The following POLK variants were observed in gnomAD, a reference collection of about 807,000 sequenced individuals.
POLK encodes polymerase (DNA directed) kappa.
In POLK, 76 loss-of-function variants were observed where a neutral mutation model predicts 94.0. That is an observed-to-expected ratio of 0.81 (90% CI 0.67 to 0.98). The LOEUF (loss-of-function observed/expected upper bound fraction) is 0.98. Among genes scored for constraint, POLK ranks in the 50% least tolerant of loss-of-function variants. The pLI is 0.00. For synonymous variants in POLK, 349 were observed against 325.4 expected, an observed-to-expected ratio of 1.07 and a Z score of -0.78; for missense variants, 954 against 1,010.1, an observed-to-expected ratio of 0.94 and a Z score of 0.75.
rs377379252 is a variant in POLK at position 75,556,704 on chromosome 5, T to C, written c.255+4113T>C. Among the ~76,000 whole-genome samples the C allele has an allele frequency of 9.6e-4, 145 of 151,512 alleles. 1 individual carries two copies. Among genetic ancestry groups the C allele is most frequent in the African/African-American group, 3.3e-3 (137 of 41,464 alleles). On this transcript the variant is annotated intron_variant, in intron 3 of 14. Transcript: ENST00000241436. Reference sequence around the variant, plus strand: ...CATTTTTGTGGAGGAAATAACTTCATCTTTTTTTCTTTTTTTTTTTTTTAA... The same window carrying C: ...CATTTTTGTGGAGGAAATAACTTCACCTTTTTTTCTTTTTTTTTTTTTTAA...
At chr5:75,521,038 T>C (rs1768554751) in intron 1 of POLK, among the ~76,000 whole-genome samples, 1 of 152,158 alleles carries the variant, frequency 6.6e-6, no homozygotes, top group Non-Finnish European at 1.5e-5. Context: ...TTGCTACTGT[T>C]AAGAGCCTCT....
intron 12 of POLK, among the ~76,000 whole-genome samples, chr5:75,594,828 A>G (rs1427597935): frequency 6.6e-6 from 1 of 152,252 alleles, no homozygotes; most frequent in Non-Finnish European, 1.5e-5. Context: ...TCCAAAGTGT[A>G]CTGGTTGAAA....
upstream of POLK, chr5:75,511,471 C>A: frequency 6.6e-7 from 1 of 1,511,854 alleles, no homozygotes; most frequent in Non-Finnish European, 8.8e-7. Flanking sequence ...GTGACCCCTG[C>A]GTTGCGCCCG....
intron 3 of POLK, among the ~76,000 whole-genome samples, chr5:75,554,869 T>C (rs1243906589): frequency 1.3e-5 from 2 of 152,298 alleles, no homozygotes; most frequent in Non-Finnish European, 2.9e-5. Context: ...TATTCCATGG[T>C]GTATATGTAC....
intron 1 of POLK, among the ~76,000 whole-genome samples, chr5:75,540,529 C>T (rs1186422503): frequency 6.6e-6 from 1 of 152,066 alleles, no homozygotes; most frequent in Non-Finnish European, 1.5e-5. Context: ...GAGTTCCTAA[C>T]CTGAAATGAT....
At chr5:75,575,244 G>A (rs918959152) in intron 5 of POLK, among the ~76,000 whole-genome samples, 1 of 152,188 alleles carries the variant, frequency 6.6e-6, no homozygotes, top group African/African-American at 2.4e-5. Context: ...GCCGTGACTC[G>A]ATCATACCTC....
At chr5:75,559,215 C>T (rs188321112) in intron 3 of POLK, among the ~76,000 whole-genome samples, 16 of 152,208 alleles carry the variant, frequency 1.1e-4, no homozygotes, top group Admixed American at 5.2e-4. Flanking sequence ...TCCAAGTACT[C>T]GATTTTATTA....
intron 5 of POLK, 94 bp from the exon 6 acceptor site, chr5:75,576,685 CA>C: frequency 1.9e-6 from 1 of 533,240 alleles, no homozygotes; most frequent in South Asian, 5.5e-5. Context: ...ACTGTAGTTG[CA>C]AACTAAGAAT....
chr5:75,547,140 A>G (rs1363805319), exon 2 of POLK: 7 of 1,545,798 alleles, frequency 4.5e-6, no homozygotes, highest in African/African-American at 1.4e-5. Flanking sequence ...TAACAAAATT[A>G]TAATGGAAGC....
At chr5:75,532,836 G>C (rs1769248527) in intron 1 of POLK, among the ~76,000 whole-genome samples, 1 of 152,168 alleles carries the variant, frequency 6.6e-6, no homozygotes, top group South Asian at 2.1e-4. Context: ...CTAATGATAA[G>C]TAATGTTGAG....
Position 75,576,761 on chromosome 5 carries a change from T to C in POLK, c.541-19T>C, listed in dbSNP as rs1771897832. Reference sequence around the variant, plus strand: ...TGCTATCACAGCAAAATTTAAACTTTTTTTTGTTTCCTTTGAAGGTTAAGG... The same window carrying C: ...TGCTATCACAGCAAAATTTAAACTTCTTTTTGTTTCCTTTGAAGGTTAAGG... On this transcript the variant is annotated intron_variant, in intron 5 of 14. Coordinates refer to ENST00000241436, the Ensembl canonical transcript of POLK. 1 of 1,430,628 alleles carries C rather than the reference T, an allele frequency of 7.0e-7. No homozygotes were observed. Among genetic ancestry groups the C allele is most frequent in the East Asian group, 2.5e-5 (1 of 40,554 alleles). The allele number at this position is 1,430,628 out of a possible 1,614,324, so 88.6% of individuals were successfully genotyped here.
At chr5:75,520,154 C>G (rs1459544651) in intron 1 of POLK, among the ~76,000 whole-genome samples, 1 of 152,084 alleles carries the variant, frequency 6.6e-6, no homozygotes, top group East Asian at 1.9e-4. Context: ...TAGAAACTAA[C>G]AAAGAAATTT....
intron 1 of POLK, among the ~76,000 whole-genome samples, chr5:75,516,320 A>C (rs1274210395): frequency 6.6e-6 from 1 of 151,888 alleles, no homozygotes; most frequent in Admixed American, 6.6e-5. Context: ...GTTGTGCCTC[A>C]TGCCTATAAT....
intron 12 of POLK, among the ~76,000 whole-genome samples, chr5:75,595,866 A>C (rs1561413455): frequency 6.6e-6 from 1 of 151,822 alleles, no homozygotes; most frequent in South Asian, 2.1e-4. Flanking sequence ...CCTTCTGCTC[A>C]ATTTTGCTGT....
intron 1 of POLK, chr5:75,512,484 C>T (rs1407011368): frequency 6.6e-6 from 1 of 152,136 alleles, no homozygotes; most frequent in Non-Finnish European, 1.5e-5. Flanking sequence ...CCATGCCTGC[C>T]CCTCAAAGAT....
At chr5:75,566,163 T>G (rs957595775) in intron 3 of POLK, among the ~76,000 whole-genome samples, 1 of 152,236 alleles carries the variant, frequency 6.6e-6, no homozygotes, top group Admixed American at 6.5e-5. Flanking sequence ...TTGTTTACAC[T>G]GTGAGGGGAA....
At chr5:75,560,259 T>C (rs1445305335) in intron 3 of POLK, among the ~76,000 whole-genome samples, 4 of 152,196 alleles carry the variant, frequency 2.6e-5, no homozygotes, top group African/African-American at 9.7e-5. Flanking sequence ...TAGCATATTA[T>C]ATGACACATA....
intron 1 of POLK, among the ~76,000 whole-genome samples, chr5:75,520,257 G>T (rs1232474488): frequency 6.6e-6 from 1 of 152,092 alleles, no homozygotes; most frequent in Non-Finnish European, 1.5e-5. Flanking sequence ...CTCTTAACAG[G>T]TTGCTGTAGC....
chr5:75,549,057 A>T (rs1220585066), intron 2 of POLK, among the ~76,000 whole-genome samples: 2 of 152,144 alleles, frequency 1.3e-5, no homozygotes, highest in Non-Finnish European at 2.9e-5. Context: ...AAGCATATAC[A>T]GTAAAATGTT....
Sources: allele counts gnomAD v4.1 joint callset (sites outside exome capture counted in the v4.1 genomes callset), GRCh38; gene constraint gnomAD v4.1.1; transcripts MANE v1.5; gene names NCBI Gene and HGNC (gene_info 2026-07-23, HGNC 2026-07-21).